The following ATP2B2 variants were observed in gnomAD, a reference collection of about 807,000 sequenced individuals.
ATP2B2 encodes the protein plasma membrane calcium-transporting ATPase 2.
In ATP2B2, 15 loss-of-function variants were observed where a neutral mutation model predicts 120.0. The ratio of observed to expected loss-of-function variants is 0.12; its 90% CI spans 0.08 to 0.19. ATP2B2 has a LOEUF of 0.19. Among genes scored for constraint, ATP2B2 ranks in the 10% least tolerant of loss-of-function variants. The pLI, the probability that ATP2B2 is intolerant of heterozygous loss-of-function variation, is 1.00. For missense variants in ATP2B2, 1,045 were observed against 1,719.8 expected, an observed-to-expected ratio of 0.61 and a Z score of 6.94; for synonymous variants, 694 against 700.3, an observed-to-expected ratio of 0.99 and a Z score of 0.14.
intron 2 of ATP2B2, among the ~76,000 whole-genome samples, chr3:10,604,548 C>G (rs1407763339): frequency 6.6e-6 from 1 of 152,186 alleles, no homozygotes; most frequent in African/African-American, 2.4e-5. Context: ...ATATCACCTA[C>G]CACCACATGC....
chr3:10,534,665 C>A (rs1183084208), intron 2 of ATP2B2, among the ~76,000 whole-genome samples: 1 of 152,128 alleles, frequency 6.6e-6, no homozygotes, highest in Non-Finnish European at 1.5e-5. Flanking sequence ...GAGATACTTT[C>A]TTGGGCAAGT....
chr3:10,351,034 G>C (rs2060564872), intron 14 of ATP2B2, among the ~76,000 whole-genome samples: 1 of 152,178 alleles, frequency 6.6e-6, no homozygotes, highest in African/African-American at 2.4e-5. Context: ...AGTTTCTTGG[G>C]GGGACATTTG....
chr3:10,445,826 G>A (rs1225151276), intron 2 of ATP2B2, among the ~76,000 whole-genome samples: 1 of 152,238 alleles, frequency 6.6e-6, no homozygotes, highest in African/African-American at 2.4e-5. Flanking sequence ...CTGAGTCCCT[G>A]TGTCTGGAGC....
chr3:10,488,970 G>A (rs2065834987), intron 1 of ATP2B2, among the ~76,000 whole-genome samples: 1 of 152,158 alleles, frequency 6.6e-6, no homozygotes, highest in African/African-American at 2.4e-5. Flanking sequence ...GCGTGATCCT[G>A]GCCCCCAACT....
chr3:10,400,910 T>C, intron 5 of ATP2B2, 43 bp downstream of exon 5: 11 of 1,612,726 alleles, frequency 6.8e-6, no homozygotes, highest in Non-Finnish European at 9.3e-6. Context: ...GCATCCCCTG[T>C]GCATGGCGAC....
chr3:10,341,905 C>T (rs2060290028), intron 19 of ATP2B2, among the ~76,000 whole-genome samples: 1 of 151,984 alleles, frequency 6.6e-6, no homozygotes, highest in African/African-American at 2.4e-5. Context: ...AACTAACTGC[C>T]TTTGAGGAAT....
In ATP2B2 at chr3:10,670,576, C is replaced by T. The variant is rs903425922; in HGVS notation, c.-460+37339G>A. 6.0e-5 allele frequency among the ~76,000 whole-genome samples: 9 copies of T among 151,030 alleles called. No individual in the cohort carries two copies. In the East Asian group the frequency reaches 1.4e-3, roughly 23 times the overall value. On this transcript the variant is annotated intron_variant, in intron 1 of 21. Coordinates refer to the ATP2B2 transcript ENST00000646379. ...GGGATTACAGGCGCCCGCCACCACA[C>T]CTGGCTAATTTTTTTGTATTTTTAG...
intron 2 of ATP2B2, among the ~76,000 whole-genome samples, chr3:10,596,538 C>T (rs1473047090): frequency 6.6e-6 from 1 of 152,128 alleles, no homozygotes; most frequent in Non-Finnish European, 1.5e-5. Context: ...AGTAGCATGC[C>T]CCATATAACA....
At chr3:10,617,297 T>A (rs1190140159) in intron 2 of ATP2B2, among the ~76,000 whole-genome samples, 3 of 152,236 alleles carry the variant, frequency 2.0e-5, no homozygotes, top group South Asian at 4.1e-4. Context: ...CTCAGGGGTA[T>A]AACAATGTCT....
intron 2 of ATP2B2, among the ~76,000 whole-genome samples, chr3:10,615,269 ACAG>A (rs2069354447): frequency 6.6e-6 from 1 of 152,188 alleles, no homozygotes; most frequent in African/African-American, 2.4e-5. Context: ...GTGATCAGGG[ACAG>A]GTGTAGGAGC....
chr3:10,330,038 T>G (rs540410648), intron 22 of ATP2B2, among the ~76,000 whole-genome samples: 12 of 152,336 alleles, frequency 7.9e-5, no homozygotes, highest in Admixed American at 2.6e-4. Flanking sequence ...TTTGTTTATT[T>G]CTTTATTTGT....
At chr3:10,578,835 T>G (rs1315140444) in intron 2 of ATP2B2, among the ~76,000 whole-genome samples, 1 of 152,186 alleles carries the variant, frequency 6.6e-6, no homozygotes, top group Non-Finnish European at 1.5e-5. Flanking sequence ...CGATTCCATT[T>G]ATATGAGGTT....
chr3:10,512,464 G>GCGCGCGCGCACACACACACACA (rs749056818), intron 3 of ATP2B2, among the ~76,000 whole-genome samples: 59 of 136,990 alleles, frequency 4.3e-4, no homozygotes, highest in East Asian at 4.1e-3. Context: ...AAGTGTGTGC[G>GCGCGCGCGCACACACACACACA]CACACACACA....
In ATP2B2 at chr3:10,338,367, G is replaced by C. The variant is rs201586763; in HGVS notation, c.3238-9C>G. Reference sequence around the variant, plus strand: ...GGGATGGTGGCGATGACCTGCAAGGGACCCTGTCTGTCAGGACGGTGGGGC... The same window carrying C: ...GGGATGGTGGCGATGACCTGCAAGGCACCCTGTCTGTCAGGACGGTGGGGC... On this transcript the variant is annotated splice_polypyrimidine_tract_variant and intron_variant, in intron 21 of 22. Coordinates refer to ENST00000360273, the MANE Select transcript of ATP2B2 (RefSeq NM_001001331.4). 6.2e-7 allele frequency: 1 copy of C among 1,614,092 alleles called. No homozygotes were observed. Among genetic ancestry groups the C allele is most frequent in the Non-Finnish European group, 8.5e-7 (1 of 1,180,028 alleles).
upstream of ATP2B2, among the ~76,000 whole-genome samples, chr3:10,510,245 C>G (rs1006983208): frequency 6.6e-6 from 1 of 152,232 alleles, no homozygotes; most frequent in East Asian, 1.9e-4. Context: ...ACCATTCACA[C>G]TGACATCCTA....
chr3:10,356,838 G>A (rs758077417), intron 14 of ATP2B2, among the ~76,000 whole-genome samples: 35 of 152,212 alleles, frequency 2.3e-4, no homozygotes, highest in Non-Finnish European at 3.7e-4. Context: ...TGGAGAGAGA[G>A]GTTTGCAGGA....
chr3:10,478,714 C>G (rs2065292015), intron 1 of ATP2B2, among the ~76,000 whole-genome samples: 2 of 152,196 alleles, frequency 1.3e-5, no homozygotes, highest in South Asian at 4.1e-4. Context: ...TTCTTGAAAC[C>G]CATAATTTCC....
intron 1 of ATP2B2, among the ~76,000 whole-genome samples, chr3:10,652,395 G>C (rs2070490077): frequency 6.6e-6 from 1 of 152,214 alleles, no homozygotes; most frequent in Non-Finnish European, 1.5e-5. Context: ...TATAAGGCAA[G>C]ATCTTTAAAA....
intron 1 of ATP2B2, among the ~76,000 whole-genome samples, chr3:10,487,383 G>A (rs17032981): frequency 0.12 from 18,124 of 152,224 alleles, 1,134 homozygotes; most frequent in African/African-American, 0.17. Flanking sequence ...GAGGATGCTA[G>A]GGGTTACCAG....
Sources: gnomAD v4.1 joint callset for allele counts (sites outside exome capture counted in the v4.1 genomes callset) on GRCh38, gnomAD v4.1.1 for gene constraint, MANE v1.5 for transcripts, NCBI Gene and HGNC (gene_info 2026-07-23, HGNC 2026-07-21) for gene names.